Variants in ABRAXAS2 observed in about 807,000 individuals in gnomAD.
ABRAXAS2 encodes abraxas 2, BRISC complex subunit.
ABRAXAS2 carries 23 observed loss-of-function variants against 49.0 expected under a neutral mutation model. The ratio of observed to expected loss-of-function variants is 0.47; its 90% CI spans 0.34 to 0.66. ABRAXAS2 has a LOEUF of 0.66. Ranked by LOEUF, ABRAXAS2 falls within the 30% of genes least tolerant of loss-of-function variation. The pLI is 0.01. For synonymous variants in ABRAXAS2, 168 were observed against 180.2 expected, an observed-to-expected ratio of 0.93 and a Z score of 0.54; for missense variants, 443 against 511.9, an observed-to-expected ratio of 0.87 and a Z score of 1.30.
intron 3 of ABRAXAS2, among the ~76,000 whole-genome samples, chr10:124,817,138 G>A (rs531190948): frequency 4.6e-5 from 7 of 152,218 alleles, no homozygotes; most frequent in African/African-American, 1.7e-4. Flanking sequence ...CACAGTAAGA[G>A]ATGATTGAAG....
At chr10:124,818,428 G>T (rs1198503913) in intron 3 of ABRAXAS2, among the ~76,000 whole-genome samples, 2 of 151,190 alleles carry the variant, frequency 1.3e-5, no homozygotes, top group African/African-American at 4.9e-5. Flanking sequence ...ATTAGACTCA[G>T]TTATTAGAGC....
rs1020844835 is a variant in ABRAXAS2 at position 124,828,946 on chromosome 10, G to A, written c.578+71G>A. On this transcript the variant is annotated intron_variant, in intron 6 of 8. Transcript: ENST00000298492. ...TTTCTTTTGTTAATAACATTTAAAA[G>A]GTGTATGGAAAAATGTAAAACCAAG... The A allele has an allele frequency of 4.9e-5, 75 of 1,516,566 alleles. No homozygotes were observed. In the Admixed American group the frequency reaches 1.4e-3, roughly 29 times the overall value. The allele number at this position is 1,516,566 out of a possible 1,614,324, so 93.9% of individuals were successfully genotyped here. A position where few individuals can be genotyped will look rare whatever the true frequency, so the allele number is the denominator to read the frequency against.
intron 2 of ABRAXAS2, among the ~76,000 whole-genome samples, chr10:124,811,465 A>G (rs1950787311): frequency 6.6e-6 from 1 of 150,622 alleles, no homozygotes; most frequent in South Asian, 2.1e-4. Flanking sequence ...CGGTGGCTTA[A>G]GCCTGTAATC....
intron 5 of ABRAXAS2, among the ~76,000 whole-genome samples, chr10:124,827,807 A>G (rs972216267): frequency 6.6e-6 from 1 of 152,154 alleles, no homozygotes; most frequent in African/African-American, 2.4e-5. Context: ...GTTTGTAAAC[A>G]GCAAAATGGT....
At position 124,829,413 on chromosome 10, in the gene ABRAXAS2, A is replaced by T. The variant is rs1950916692; in HGVS notation, c.599A>T (p.Asp200Val). 6.2e-7 allele frequency: 1 copy of T among 1,610,714 alleles called. No homozygotes were observed. Among genetic ancestry groups the T allele is most frequent in the Non-Finnish European group, 8.5e-7 (1 of 1,177,990 alleles). Residue 200 changes from aspartate to valine, a missense_variant, in exon 7 of 9, where the codon GAT (aspartate) becomes GTT (valine). Coordinates refer to ENST00000298492, the MANE Select transcript of ABRAXAS2 (RefSeq NM_032182.4). ...TCCAGTACTGACTTTTTTGACAAGGATGGAGTGATGAAAGACATCAGGGCG... is the reference window on the plus strand; with the variant it reads ...TCCAGTACTGACTTTTTTGACAAGGTTGGAGTGATGAAAGACATCAGGGCG... ...KEHGTDFFDK[D>V]GVMKDIRAIY... is the part of the protein sequence containing the mutation.
intron 8 of ABRAXAS2, 37 bp downstream of exon 8, chr10:124,831,500 G>C (rs368433044): frequency 2.4e-4 from 280 of 1,169,266 alleles, no homozygotes; most frequent in Non-Finnish European, 3.2e-4. Context: ...CAGTATCAGG[G>C]AAATGTTGTT....
Position 124,801,883 on chromosome 10 carries a change from C to A in ABRAXAS2, c.54C>A (p.Ala18=). 2 of 1,613,132 alleles carry A rather than the reference C, an allele frequency of 1.2e-6. No individual in the cohort carries two copies. Among genetic ancestry groups the A allele is most frequent in the South Asian group, 2.2e-5 (2 of 91,072 alleles). ...TCAGTGCTGTGTGTTTCCACAGCGC[C>A]AACAGCAACGCGGACCACGTAGGTG... ...YTFSAVCFHS[A]NSNADHEGFL... Residue 18 remains alanine, a synonymous_variant, in exon 1 of 9, where the codon GCC becomes GCA. Transcript: ENST00000298492.
chr10:124,826,452 C>T, intron 4 of ABRAXAS2, 143 bp from the exon 5 acceptor site: 1 of 694,588 alleles, frequency 1.4e-6, no homozygotes, highest in South Asian at 1.9e-5. Flanking sequence ...TATCCATGCT[C>T]CTGCTCATGG....
chr10:124,819,522 A>T lies in ABRAXAS2; in HGVS notation c.267+72A>T, dbSNP rs1054204491. 9.8e-6 allele frequency: 13 copies of T among 1,324,900 alleles called. No individual in the cohort carries two copies. In the Admixed American group the frequency reaches 2.3e-4, roughly 23 times the overall value. The allele number at this position is 1,324,900 out of a possible 1,614,324, so 82.1% of individuals were successfully genotyped here. On this transcript the variant is annotated intron_variant, in intron 4 of 8. Coordinates refer to ENST00000298492, the MANE Select transcript of ABRAXAS2 (RefSeq NM_032182.4). ...CACCGAAAAGATAAAACCAGACAGG[A>T]ATGTAAAATGGAACAATAAGATTTC... is the stretch of plus-strand genomic sequence containing the variant.
At chr10:124,828,979 T>C in intron 6 of ABRAXAS2, 104 bp downstream of exon 6, 1 of 1,124,540 alleles carries the variant, frequency 8.9e-7, no homozygotes, top group Non-Finnish European at 1.3e-6. Flanking sequence ...AAGTTTGATA[T>C]GATTAAAATT....
intron 4 of ABRAXAS2, among the ~76,000 whole-genome samples, chr10:124,819,992 T>C (rs956059886): frequency 1.3e-5 from 2 of 152,200 alleles, no homozygotes; most frequent in Admixed American, 1.3e-4. Flanking sequence ...ATGTATGGGT[T>C]TTACTTTTTT....
At chr10:124,828,582 G>A (rs1251696108) in intron 5 of ABRAXAS2, among the ~76,000 whole-genome samples, 174 bp from the exon 6 acceptor site, 1 of 151,900 alleles carries the variant, frequency 6.6e-6, no homozygotes, top group Admixed American at 6.6e-5. Flanking sequence ...TGGCCAGGCT[G>A]GCGTTGGTCT....
At chr10:124,819,501 GAA>G in intron 4 of ABRAXAS2, 51 bp downstream of exon 4, 5 of 1,504,700 alleles carry the variant, frequency 3.3e-6, no homozygotes, top group Non-Finnish European at 4.6e-6. Context: ...CCTTATCACC[GAA>G]AAGATAAAAC....
intron 4 of ABRAXAS2, among the ~76,000 whole-genome samples, chr10:124,821,422 C>G (rs1412141305): frequency 1.1e-4 from 16 of 151,908 alleles, no homozygotes; most frequent in Non-Finnish European, 2.4e-4. Context: ...AAAAATTAGC[C>G]AGGAGTGGTG....
chr10:124,817,305 G>C (rs1288234471), intron 3 of ABRAXAS2, among the ~76,000 whole-genome samples: 1 of 152,062 alleles, frequency 6.6e-6, no homozygotes, highest in Non-Finnish European at 1.5e-5. Context: ...GAAATAAAGG[G>C]AGAAACGTTC....
chr10:124,807,170 G>A (rs1950750516), intron 2 of ABRAXAS2, among the ~76,000 whole-genome samples: 1 of 151,830 alleles, frequency 6.6e-6, no homozygotes, highest in South Asian at 2.1e-4. Flanking sequence ...AAAATTAGCC[G>A]GGCATGGTGG....
At chr10:124,823,196 CAG>C (rs1210293984) in intron 4 of ABRAXAS2, among the ~76,000 whole-genome samples, 2 of 151,572 alleles carry the variant, frequency 1.3e-5, no homozygotes, top group African/African-American at 4.8e-5. Flanking sequence ...AGCACAAAGA[CAG>C]AGATGATATA....
Position 124,819,388 on chromosome 10 carries a change from T to G in ABRAXAS2, c.205T>G (p.Tyr69Asp). 6.2e-7 allele frequency: 1 copy of G among 1,613,962 alleles called. No individual in the cohort carries two copies. The highest frequency in any genetic ancestry group is 8.5e-7 in the Non-Finnish European group (1 of 1,179,868). ...AGATTTTTTTCTCTTAAACAGTTTT[T>G]ATGACTACGCAAGCAAAGTGAATGA... Reference protein sequence around the residue: ...HQPCSKLFSFYDYASKVNEES... With the variant: ...HQPCSKLFSFDDYASKVNEES... The change falls in exon 4 of 9, where the codon TAT becomes GAT. Residue 69 changes from tyrosine (Y) to aspartate (D), a missense_variant. Tyr to Asp is a radical substitution (Grantham distance 160). Coordinates refer to ENST00000298492, the MANE Select transcript of ABRAXAS2 (RefSeq NM_032182.4).
At chr10:124,833,599 C>T (rs1161567396) in intron 8 of ABRAXAS2, among the ~76,000 whole-genome samples, 1 of 152,192 alleles carries the variant, frequency 6.6e-6, no homozygotes, top group East Asian at 1.9e-4. Flanking sequence ...TTCTGTAACA[C>T]AGCAAGGAAG....
Sources: gnomAD v4.1 joint callset for allele counts (sites outside exome capture counted in the v4.1 genomes callset) on GRCh38, gnomAD v4.1.1 for gene constraint, MANE v1.5 for transcripts, NCBI Gene and HGNC (gene_info 2026-07-23, HGNC 2026-07-21) for gene names.